KIF1B: variants seen among roughly 807,000 people sequenced by gnomAD.
KIF1B encodes kinesin family member 1B, also known as kinesin-like protein KIF1B.
Under a neutral mutation model 241.9 loss-of-function variants are expected in KIF1B, and 76 were observed. The observed-to-expected ratio is 0.31, with a 90% CI of 0.26 to 0.38. The LOEUF (loss-of-function observed/expected upper bound fraction) is 0.38. Among genes scored for constraint, KIF1B ranks in the 10% least tolerant of loss-of-function variants. KIF1B has a pLI of 1.00. For missense variants in KIF1B, 1,622 were observed against 2,271.4 expected, an observed-to-expected ratio of 0.71 and a Z score of 5.81; for synonymous variants, 750 against 796.7, an observed-to-expected ratio of 0.94 and a Z score of 0.99.
In KIF1B at chr1:10,374,781, G is replaced by A. The variant is rs1448125201; in HGVS notation, c.5097-73G>A. 4.5e-5 allele frequency: 63 copies of A among 1,413,450 alleles called. No individual in the cohort carries two copies. The highest frequency in any genetic ancestry group is 1.8e-4 in the Middle Eastern group (1 of 5,646). The allele number at this position is 1,413,450 out of a possible 1,614,324, so 87.6% of individuals were successfully genotyped here. ...TCTAAGGACTTGGCCTAAGTGTGGCGTATTTTGATGGTCCTCAGCACGATT... is the reference window on the plus strand; with the variant it reads ...TCTAAGGACTTGGCCTAAGTGTGGCATATTTTGATGGTCCTCAGCACGATT... On this transcript the variant is annotated intron_variant, in intron 46 of 48. Transcript: ENST00000676179. This position sits in a 1 kb window ranked among gnomAD's most constrained non-coding sequence, Gnocchi z 4.3.
chr1:10,238,125 A>C (rs1328949701), intron 2 of KIF1B, among the ~76,000 whole-genome samples: 1 of 152,018 alleles, frequency 6.6e-6, no homozygotes, highest in Non-Finnish European at 1.5e-5. Flanking sequence ...TCACGCCTAT[A>C]ATCCTAGCAC....
chr1:10,354,980 T>A (rs1652923619), intron 38 of KIF1B, among the ~76,000 whole-genome samples: 1 of 152,206 alleles, frequency 6.6e-6, no homozygotes, highest in Non-Finnish European at 1.5e-5. Flanking sequence ...TGGGGTATAA[T>A]TGACAAGGGA....
At chr1:10,347,150 G>A (rs1453686253) in intron 35 of KIF1B, among the ~76,000 whole-genome samples, 1 of 152,226 alleles carries the variant, frequency 6.6e-6, no homozygotes, top group African/African-American at 2.4e-5. Context: ...TTAGGACAGA[G>A]GCAAGGGGCT....
chr1:10,252,186 C>T (rs556752864), intron 2 of KIF1B, among the ~76,000 whole-genome samples: 1 of 152,002 alleles, frequency 6.6e-6, no homozygotes, highest in Admixed American at 6.6e-5. Context: ...ATTACAGGTG[C>T]GTGCCACCAT....
In KIF1B at chr1:10,295,733, A is replaced by G; in HGVS notation, c.1744A>G (p.Ile582Val). 6.2e-7 allele frequency: 1 copy of G among 1,613,890 alleles called. No homozygotes were observed. Among genetic ancestry groups the G allele is most frequent in the African/African-American group, 1.3e-5 (1 of 75,052 alleles). ...GGCTCACATTAAAGAAGAGCATTGT[A>G]TCTTCCGGAGTGAGAGAAGCAACAG... ...SGAHIKEEHCIFRSERSNSGE... is the reference protein window; with the variant it reads ...SGAHIKEEHCVFRSERSNSGE... Residue 582 changes from isoleucine (I) to valine (V), a missense_variant, in exon 19 of 49, where the codon ATC becomes GTC. Ile to Val is a conservative substitution (Grantham distance 29). Around this residue, in one of 7 missense-constraint regions of KIF1B, gnomAD observed 57 missense variants for 149.0 expected, o/e 0.38. Coordinates refer to ENST00000676179, the MANE Select transcript of KIF1B (RefSeq NM_001365951.3).
chr1:10,356,050 A>G (rs186197203), intron 38 of KIF1B, among the ~76,000 whole-genome samples: 30 of 152,168 alleles, frequency 2.0e-4, no homozygotes, highest in Non-Finnish European at 4.1e-4. Flanking sequence ...ACATGACAAT[A>G]TAACCTAAAA....
intron 1 of KIF1B, among the ~76,000 whole-genome samples, chr1:10,211,113 C>T (rs986384562): frequency 6.6e-6 from 1 of 152,146 alleles, no homozygotes; most frequent in African/African-American, 2.4e-5. Context: ...GTGCCCTGCA[C>T]CGGCCCTCCG....
chr1:10,213,846 G>T, intron 1 of KIF1B, among the ~76,000 whole-genome samples: 1 of 152,014 alleles, frequency 6.6e-6, no homozygotes, highest in East Asian at 1.9e-4. Flanking sequence ...ACCTGCAAAA[G>T]GTGCCTTGGG....
chr1:10,304,661 C>T, intron 22 of KIF1B: 3 of 1,613,350 alleles, frequency 1.9e-6, no homozygotes, highest in Non-Finnish European at 2.5e-6. Context: ...AGTTACTGGA[C>T]AAACTTGAAA....
intron 13 of KIF1B, 78 bp downstream of exon 13, chr1:10,278,206 T>C: frequency 1.4e-6 from 2 of 1,458,914 alleles, no homozygotes; most frequent in Middle Eastern, 1.8e-4. Flanking sequence ...ATATTTAAAA[T>C]AAACTTCAAG....
chr1:10,366,125 G>A (rs138904641), intron 43 of KIF1B, among the ~76,000 whole-genome samples: 3 of 152,188 alleles, frequency 2.0e-5, no homozygotes, highest in African/African-American at 7.2e-5. Context: ...CAGCTACTCA[G>A]GAGGCTGAGG....
chr1:10,345,581 A>G, intron 34 of KIF1B: 5 of 447,798 alleles, frequency 1.1e-5, no homozygotes, highest in Non-Finnish European at 2.1e-5. Context: ...TATTCTACAC[A>G]AAAGCTGTTT....
At position 10,378,198 on chromosome 1, in the gene KIF1B, C is replaced by A; in HGVS notation, c.*1611C>A. ...CTACTCCAAACAAAACACAATATGC[C>A]TAGGGGCACGGATGAACGTCCAGGG... On this transcript the variant is annotated 3_prime_UTR_variant, in exon 49 of 49. Transcript: ENST00000676179. 1 of 652,912 alleles carries A rather than the reference C, an allele frequency of 1.5e-6. No homozygotes were observed. The highest frequency in any genetic ancestry group is 1.8e-5 in the South Asian group (1 of 57,026). 40.4% of individuals were successfully genotyped at this position (652,912 alleles called of 1,614,324 possible).
chr1:10,243,832 G>C (rs975881388), intron 2 of KIF1B, among the ~76,000 whole-genome samples: 1 of 152,160 alleles, frequency 6.6e-6, no homozygotes, highest in Non-Finnish European at 1.5e-5. Context: ...GGAAAAAGCT[G>C]CGGGGAAGGG....
In KIF1B at chr1:10,381,020, A is replaced by T. The variant is rs928347184; in HGVS notation, c.*4433A>T. 6 of 223,394 alleles carry T rather than the reference A, an allele frequency of 2.7e-5. No individual in the cohort carries two copies. Among genetic ancestry groups the T allele is most frequent in the Non-Finnish European group, 5.4e-5 (6 of 112,046 alleles). 13.8% of individuals were successfully genotyped at this position (223,394 alleles called of 1,614,324 possible). A position where few individuals can be genotyped will look rare whatever the true frequency, so the allele number is the denominator to read the frequency against. ...AATCAGAGTTGCTATAAAATTCAGT[A>T]AAAAGCTCATAGCCAAACGGCTGTG... On this transcript the variant is annotated 3_prime_UTR_variant, in exon 49 of 49. Transcript: ENST00000676179.
At chr1:10,314,056 C>G (rs1261105411) in intron 22 of KIF1B, among the ~76,000 whole-genome samples, 1 of 151,140 alleles carries the variant, frequency 6.6e-6, no homozygotes, top group East Asian at 1.9e-4. Context: ...CCATGCCTAG[C>G]TAATTTTTGT....
chr1:10,305,002 A>C (rs1569780140), intron 22 of KIF1B: 2 of 1,124,992 alleles, frequency 1.8e-6, no homozygotes, highest in Non-Finnish European at 2.2e-6. Context: ...ATCCAGAAAG[A>C]CCTGCCTCTT....
At chr1:10,239,265 A>T (rs1295650509) in intron 2 of KIF1B, among the ~76,000 whole-genome samples, 4 of 152,170 alleles carry the variant, frequency 2.6e-5, no homozygotes, top group African/African-American at 4.8e-5. Flanking sequence ...ACGCAGAGAG[A>T]ACTACCATTA....
intron 2 of KIF1B, among the ~76,000 whole-genome samples, chr1:10,253,897 C>T (rs6656624): frequency 0.01 from 1,544 of 152,278 alleles, 21 homozygotes; most frequent in African/African-American, 0.035. Flanking sequence ...TGGCTGTACC[C>T]AGTGGAATCC....
Sources: allele counts gnomAD v4.1 joint callset (sites outside exome capture counted in the v4.1 genomes callset), GRCh38; gene constraint gnomAD v4.1.1; regional missense constraint gnomAD v4.1.1; non-coding constraint Gnocchi (gnomAD v3.1); transcripts MANE v1.5; gene names NCBI Gene and HGNC (gene_info 2026-07-23, HGNC 2026-07-21).